PCDHGA12: variants seen among roughly 807,000 people sequenced by gnomAD.
PCDHGA12 encodes the protein protocadherin gamma-A12.
PCDHGA12 carries 43 observed loss-of-function variants against 61.1 expected under a neutral mutation model. That is an observed-to-expected ratio of 0.70 (90% CI 0.55 to 0.91). PCDHGA12 has a LOEUF of 0.91. Among genes scored for constraint, PCDHGA12 ranks in the 40% least tolerant of loss-of-function variants. The pLI is 0.00. For missense variants in PCDHGA12, 1,236 were observed against 1,227.7 expected, an observed-to-expected ratio of 1.01 and a Z score of -0.10; for synonymous variants, 520 against 542.9, an observed-to-expected ratio of 0.96 and a Z score of 0.59.
Position 141,485,208 on chromosome 5 carries a change from G to T in PCDHGA12, c.2425-9599G>T, listed in dbSNP as rs2099609377. On this transcript the variant is annotated intron_variant, in intron 1 of 3. Coordinates refer to ENST00000252085, the MANE Select transcript of PCDHGA12 (RefSeq NM_003735.3). This position sits in a 1 kb window ranked among gnomAD's most constrained non-coding sequence, Gnocchi z 5.7. ...AAGGTGAGAAGCTGGACAGAAATCT[G>T]GCGGTGGGCTACCCTTTTGTTCCTC... The T allele has an allele frequency of 6.2e-7, 1 of 1,613,998 alleles. No homozygotes were observed. The highest frequency in any genetic ancestry group is 1.3e-5 in the African/African-American group (1 of 74,930).
rs763916884 is a variant in PCDHGA12, at chr5:141,430,829, T to A, written c.70T>A (p.Trp24Arg). Reference sequence around the variant, plus strand: ...GCTGGGAATCCTCCTGGGGACTCTGTGGGAGACCGGATGCACCCAGATACG... The same window carrying A: ...GCTGGGAATCCTCCTGGGGACTCTGAGGGAGACCGGATGCACCCAGATACG... ...VLLGILLGTL[W>R]ETGCTQIRYS... Residue 24 changes from tryptophan (W) to arginine (R), a missense_variant, in exon 1 of 4, where the codon TGG becomes AGG. By Grantham distance (101) the Trp-to-Arg change is moderately radical (BLOSUM62 -3). Coordinates refer to ENST00000252085, the MANE Select transcript of PCDHGA12 (RefSeq NM_003735.3). The A allele has an allele frequency of 6.4e-7, 1 of 1,554,558 alleles. No homozygotes were observed. The highest frequency in any genetic ancestry group is 8.7e-7 in the Non-Finnish European group (1 of 1,154,616).
Position 141,432,587 on chromosome 5 carries a change from A to C in PCDHGA12, c.1828A>C (p.Lys610Gln). ...CGCCTGGCTGTCCTACCGTCTGCTC[A>C]AGGCCAGCGAGCCGGGACTCTTCTC... ...QNAWLSYRLLKASEPGLFSVG... is the reference protein window; with the variant it reads ...QNAWLSYRLLQASEPGLFSVG... Residue 610 changes from lysine (K) to glutamine (Q), a missense_variant, in exon 1 of 4, where the codon AAG (lysine) becomes CAG (glutamine). Lys to Gln is a moderately conservative substitution (Grantham distance 53). Transcript: ENST00000252085. This position sits in a 1 kb window ranked among gnomAD's most constrained non-coding sequence, Gnocchi z 6.0. 1.9e-6 allele frequency: 3 copies of C among 1,613,250 alleles called. No individual in the cohort carries two copies. Among genetic ancestry groups the C allele is most frequent in the Non-Finnish European group, 2.5e-6 (3 of 1,179,918 alleles).
intron 1 of PCDHGA12, among the ~76,000 whole-genome samples, chr5:141,467,297 CT>C (rs1229166213): frequency 2.0e-5 from 3 of 152,182 alleles, no homozygotes; most frequent in African/African-American, 7.2e-5. Context: ...AAGTGATCCA[CT>C]CACCTCGGCC....
Position 141,486,585 on chromosome 5 carries a change from G to A in PCDHGA12, c.2425-8222G>A. The A allele has an allele frequency of 6.2e-7, 1 of 1,613,708 alleles. No individual in the cohort carries two copies. The highest frequency in any genetic ancestry group is 1.1e-5 in the South Asian group (1 of 91,080). ...TTTGTTCCTGAGAACAATCGCCCAG[G>A]GGACCTGCTTTGCTCCCTTGCAGCC... On this transcript the variant is annotated intron_variant, in intron 1 of 3. Transcript: ENST00000252085. The surrounding 1 kb of genome is among the most constrained non-coding windows in gnomAD (Gnocchi z 5.0).
intron 2 of PCDHGA12, among the ~76,000 whole-genome samples, chr5:141,496,189 G>T (rs1362938002): frequency 1.3e-5 from 2 of 152,004 alleles, no homozygotes; most frequent in African/African-American, 4.8e-5. Context: ...AGCCCCAGCT[G>T]CTCATTTCAA....
chr5:141,470,836 C>T lies in PCDHGA12; in HGVS notation c.2425-23971C>T, dbSNP rs577375498. On this transcript the variant is annotated intron_variant, in intron 1 of 3. Transcript: ENST00000252085. ...CTGAGTAGTTAGGACGACAAACACA[C>T]GCCACCATGCTCAGATAAGTTTTTT... 2.6e-5 allele frequency among the ~76,000 whole-genome samples: 4 copies of T among 152,176 alleles called. No homozygotes were observed. The East Asian group carries it at 5.8e-4, about 22-fold the overall frequency.
chr5:141,448,795 A>T (rs577803435), intron 1 of PCDHGA12, among the ~76,000 whole-genome samples: 1 of 152,086 alleles, frequency 6.6e-6, no homozygotes, highest in African/African-American at 2.4e-5. Context: ...AAAAAAAAAA[A>T]TTAGCCAGGC....
intron 1 of PCDHGA12, among the ~76,000 whole-genome samples, chr5:141,465,779 G>GT (rs879859429): frequency 0.017 from 2,504 of 144,598 alleles, 23 homozygotes; most frequent in Non-Finnish European, 0.024. Flanking sequence ...TCTTGTTACA[G>GT]TTTTTTTTTT....
At chr5:141,482,840 G>A (rs1343123459) in intron 1 of PCDHGA12, among the ~76,000 whole-genome samples, 2 of 152,212 alleles carry the variant, frequency 1.3e-5, no homozygotes, top group Admixed American at 6.5e-5. Context: ...GGGAGGCCAA[G>A]GTGGGCAGAT....
At chr5:141,436,849 T>C (rs1007573014) in intron 1 of PCDHGA12, among the ~76,000 whole-genome samples, 11 of 152,256 alleles carry the variant, frequency 7.2e-5, no homozygotes, top group African/African-American at 2.7e-4. Context: ...ACATTCTTGA[T>C]TGAGAAGCCA....
At chr5:141,456,148 C>T (rs1408257938) in intron 1 of PCDHGA12, among the ~76,000 whole-genome samples, 13 of 152,078 alleles carry the variant, frequency 8.5e-5, no homozygotes, top group African/African-American at 3.1e-4. Flanking sequence ...CCGCCCGCCT[C>T]GGCCTCCTAA....
Position 141,489,454 on chromosome 5 carries a change from G to C in PCDHGA12, c.2425-5353G>C, listed in dbSNP as rs1177748773. 1 of 1,613,940 alleles carries C rather than the reference G, an allele frequency of 6.2e-7. No homozygotes were observed. The highest frequency in any genetic ancestry group is 1.3e-5 in the African/African-American group (1 of 74,906). On this transcript the variant is annotated intron_variant, in intron 1 of 3. Transcript: ENST00000252085. This position sits in a 1 kb window ranked among gnomAD's most constrained non-coding sequence, Gnocchi z 4.5. ...GCTGCAATTGGGCTCTGAGGAGAAT[G>C]GGCGCTATTTTTCCCTGAGCTTGAT...
rs2099606006 is a variant in PCDHGA12, at chr5:141,485,058, G to A, written c.2425-9749G>A. Reference sequence around the variant, plus strand: ...TAACCCTTGCGGCGCCGGCCGAACCGCGCCAGAGCTGGCGCGGGGAAAGGG... The same window carrying A: ...TAACCCTTGCGGCGCCGGCCGAACCACGCCAGAGCTGGCGCGGGGAAAGGG... On this transcript the variant is annotated intron_variant, in intron 1 of 3. Coordinates refer to ENST00000252085, the MANE Select transcript of PCDHGA12 (RefSeq NM_003735.3). The surrounding 1 kb of genome is among the most constrained non-coding windows in gnomAD (Gnocchi z 5.7). 1 of 848,828 alleles carries A rather than the reference G, an allele frequency of 1.2e-6. No individual in the cohort carries two copies. The highest frequency in any genetic ancestry group is 1.9e-6 in the Non-Finnish European group (1 of 529,084). The allele number at this position is 848,828 out of a possible 1,614,324, so 52.6% of individuals were successfully genotyped here.
At chr5:141,449,667 G>A (rs540415333) in intron 1 of PCDHGA12, among the ~76,000 whole-genome samples, 1 of 150,824 alleles carries the variant, frequency 6.6e-6, no homozygotes, top group South Asian at 2.1e-4. Context: ...ACACCCAAGT[G>A]TGTATGTATA....
In PCDHGA12 at chr5:141,477,913, T is replaced by G; in HGVS notation, c.2425-16894T>G. ...CACGGGTGGTAGGCTGGGACGCGGA[T>G]GCAGGGCACAATGCCTGGCTCTCCT... On this transcript the variant is annotated intron_variant, in intron 1 of 3. Transcript: ENST00000252085. This position sits in a 1 kb window ranked among gnomAD's most constrained non-coding sequence, Gnocchi z 4.9. 6.2e-7 allele frequency: 1 copy of G among 1,614,190 alleles called. No individual in the cohort carries two copies. Among genetic ancestry groups the G allele is most frequent in the Non-Finnish European group, 8.5e-7 (1 of 1,180,024 alleles).
chr5:141,451,606 G>A (rs2098720118), intron 1 of PCDHGA12, among the ~76,000 whole-genome samples: 1 of 152,152 alleles, frequency 6.6e-6, no homozygotes, highest in Admixed American at 6.5e-5. Flanking sequence ...ACAAGGCTAG[G>A]CATGGTGGCT....
chr5:141,441,772 TG>T, intron 1 of PCDHGA12: 1 of 388,268 alleles, frequency 2.6e-6, no homozygotes, highest in South Asian at 2.0e-5. Flanking sequence ...CGCGTGTTGG[TG>T]GACGACCTGA....
In PCDHGA12 at chr5:141,511,979, T is replaced by C. The variant is rs1205375941; in HGVS notation, c.*806T>C. ...AGGAAGGGAAGTGTGTGGATGTGGA[T>C]GGTGGGGGCATGGACAAAGCTTGAC... On this transcript the variant is annotated 3_prime_UTR_variant, in exon 4 of 4. Transcript: ENST00000252085. The C allele has an allele frequency of 6.5e-5, 10 of 153,278 alleles. No individual in the cohort carries two copies. The highest frequency in any genetic ancestry group is 1.5e-4 in the Non-Finnish European group (10 of 68,568). The allele number at this position is 153,278 out of a possible 1,614,324, so 9.5% of individuals were successfully genotyped here.
At chr5:141,495,652 T>C (rs1403816239) in intron 2 of PCDHGA12, among the ~76,000 whole-genome samples, 2 of 152,336 alleles carry the variant, frequency 1.3e-5, no homozygotes, top group Admixed American at 6.5e-5. Context: ...CTACTTGCAT[T>C]GATCTGTGCC....
Sources: gnomAD v4.1 joint callset for allele counts (sites outside exome capture counted in the v4.1 genomes callset) on GRCh38, gnomAD v4.1.1 for gene constraint, Gnocchi (gnomAD v3.1) non-coding constraint, MANE v1.5 for transcripts, NCBI Gene and HGNC (gene_info 2026-07-23, HGNC 2026-07-21) for gene names.